The following PTDSS2 variants were observed in gnomAD, a reference collection of about 807,000 sequenced individuals.
PTDSS2 encodes the protein phosphatidylserine synthase 2, also known as PSS-2.
In PTDSS2, 41 loss-of-function variants were observed where a neutral mutation model predicts 64.7. The ratio of observed to expected loss-of-function variants is 0.63; its 90% CI spans 0.49 to 0.82. The LOEUF is 0.82. Among genes scored for constraint, PTDSS2 ranks in the 40% least tolerant of loss-of-function variants. The pLI is 0.00. For missense variants in PTDSS2, 485 were observed against 650.0 expected, an observed-to-expected ratio of 0.75 and a Z score of 2.76; for synonymous variants, 297 against 277.8, an observed-to-expected ratio of 1.07 and a Z score of -0.69.
chr11:460,111 T>G lies in PTDSS2; in HGVS notation c.183-76T>G, dbSNP rs1197732069. On this transcript the variant is annotated intron_variant, in intron 1 of 11. Coordinates refer to ENST00000308020, the MANE Select transcript of PTDSS2 (RefSeq NM_030783.3). The surrounding 1 kb of genome is among the most constrained non-coding windows in gnomAD (Gnocchi z 5.8). ...AGCCCTCTCCTTGACGTAGAGAGGA[T>G]TTGGGGCCTGTTACGTGAGTATTTA... is the stretch of plus-strand genomic sequence containing the variant. 61 of 1,159,280 alleles carry G rather than the reference T, an allele frequency of 5.3e-5. No individual in the cohort carries two copies. The highest frequency in any genetic ancestry group is 7.2e-5 in the Non-Finnish European group (56 of 777,910). The allele number at this position is 1,159,280 out of a possible 1,614,324, so 71.8% of individuals were successfully genotyped here.
At chr11:489,317 A>G in intron 8 of PTDSS2, 83 bp from the exon 9 acceptor site, 1 of 1,199,032 alleles carries the variant, frequency 8.3e-7, no homozygotes, top group Non-Finnish European at 1.2e-6. Context: ...GGGCCGGGTG[A>G]CCAGGAACAG....
intron 4 of PTDSS2, among the ~76,000 whole-genome samples, chr11:486,618 G>A (rs975184695): frequency 4.6e-5 from 7 of 152,230 alleles, no homozygotes; most frequent in South Asian, 2.1e-4. Context: ...CGAAGTGGGC[G>A]GATCACGAGG....
At position 456,064 on chromosome 11, in the gene PTDSS2, G is replaced by A. The variant is rs192937768; in HGVS notation, c.183-4123G>A. Among the ~76,000 whole-genome samples, 174 of 152,312 alleles carry A rather than the reference G, an allele frequency of 1.1e-3. 1 individual carries two copies. The highest frequency in any genetic ancestry group is 8.3e-3 in the South Asian group (40 of 4,816). The stretch of plus-strand genomic sequence containing the variant: ...ATGAAGGTGCCCTGGCCCGGGGCAC[G>A]GACACAGCCAGAGCCACCGCGCTCC... On this transcript the variant is annotated intron_variant, in intron 1 of 11. Coordinates refer to ENST00000308020, the MANE Select transcript of PTDSS2 (RefSeq NM_030783.3).
At chr11:454,963 G>A (rs1167640148) in intron 1 of PTDSS2, among the ~76,000 whole-genome samples, 1 of 151,264 alleles carries the variant, frequency 6.6e-6, no homozygotes, top group Non-Finnish European at 1.5e-5. Flanking sequence ...GTATCTGGGA[G>A]ATGCTGACTG....
chr11:450,180 T>A (rs1846248879), upstream of PTDSS2: 1 of 331,422 alleles, frequency 3.0e-6, no homozygotes, highest in South Asian at 1.5e-4. Context: ...CGGCTCCGGT[T>A]TCCCAGCAAC....
At position 462,237 on chromosome 11, in the gene PTDSS2, C is replaced by T. The variant is rs964867614; in HGVS notation, c.284+1949C>T. The stretch of plus-strand genomic sequence containing the variant: ...GACCCAGACCCAGAGGGGCCAGGAG[C>T]TTAGACCCCTGAGGGGGCAGCAGTG... On this transcript the variant is annotated intron_variant, in intron 2 of 11. Coordinates refer to ENST00000308020, the MANE Select transcript of PTDSS2 (RefSeq NM_030783.3). The surrounding 1 kb of genome is among the most constrained non-coding windows in gnomAD (Gnocchi z 4.5). 6.6e-6 allele frequency among the ~76,000 whole-genome samples: 1 copy of T among 152,006 alleles called. No homozygotes were observed. Among genetic ancestry groups the T allele is most frequent in the East Asian group, 1.9e-4 (1 of 5,168 alleles).
At chr11:458,867 A>G (rs539719297) in intron 1 of PTDSS2, 1 of 152,390 alleles carries the variant, frequency 6.6e-6, no homozygotes, top group Non-Finnish European at 1.5e-5. Flanking sequence ...TTAGGGCACA[A>G]ATAGTTTACA....
intron 1 of PTDSS2, chr11:451,471 G>A: frequency 2.4e-6 from 1 of 422,292 alleles, no homozygotes; most frequent in Non-Finnish European, 4.9e-6. Flanking sequence ...TGAGAGGAGG[G>A]TTTGGCTCTT....
rs1468482550 is a variant in PTDSS2 at position 486,923 on chromosome 11, G to A, written c.436-16G>A. The A allele has an allele frequency of 6.3e-7, 1 of 1,599,146 alleles. No homozygotes were observed. The highest frequency in any genetic ancestry group is 1.3e-5 in the African/African-American group (1 of 74,430). Reference sequence around the variant, plus strand: ...CACTAACTGTAGCCCCGCTGACGGGGGCACTGGCCTTGCAGACTGTCCAGG... The same window carrying A: ...CACTAACTGTAGCCCCGCTGACGGGAGCACTGGCCTTGCAGACTGTCCAGG... On this transcript the variant is annotated splice_polypyrimidine_tract_variant and intron_variant, in intron 4 of 11. Transcript: ENST00000308020.
chr11:453,658 T>G (rs528300849), intron 1 of PTDSS2, among the ~76,000 whole-genome samples: 110 of 152,298 alleles, frequency 7.2e-4, no homozygotes, highest in African/African-American at 2.6e-3. Context: ...GTCTTTCTGG[T>G]CTTGCTGGTC....
chr11:457,838 G>A (rs1054740550), intron 1 of PTDSS2, among the ~76,000 whole-genome samples: 1 of 152,188 alleles, frequency 6.6e-6, no homozygotes, highest in Non-Finnish European at 1.5e-5. Context: ...CGTAGCATAG[G>A]CCTCACTTTT....
In PTDSS2 at chr11:462,372, T is replaced by C. The variant is rs747281482; in HGVS notation, c.284+2084T>C. ...CTCCAGCAGGGAGCCCCTGCGTGTG[T>C]TCATTGAGAGGGGCCAGGAGACGGG... On this transcript the variant is annotated intron_variant, in intron 2 of 11. Coordinates refer to ENST00000308020, the MANE Select transcript of PTDSS2 (RefSeq NM_030783.3). This position sits in a 1 kb window ranked among gnomAD's most constrained non-coding sequence, Gnocchi z 4.5. Among the ~76,000 whole-genome samples the C allele has an allele frequency of 6.6e-6, 1 of 152,116 alleles. No individual in the cohort carries two copies. Among genetic ancestry groups the C allele is most frequent in the African/African-American group, 2.4e-5 (1 of 41,438 alleles).
chr11:451,028 C>T (rs1032726317), intron 1 of PTDSS2, among the ~76,000 whole-genome samples: 1 of 152,178 alleles, frequency 6.6e-6, no homozygotes, highest in African/African-American at 2.4e-5. Context: ...GTCGAAGCTT[C>T]ACCTGTGTCC....
chr11:486,392 T>A (rs1411221354), intron 4 of PTDSS2, among the ~76,000 whole-genome samples: 3 of 152,160 alleles, frequency 2.0e-5, no homozygotes, highest in Admixed American at 1.3e-4. Context: ...AGCGCACCTG[T>A]GCCCACCTGG....
In PTDSS2 at chr11:471,965, GCA is replaced by G. The variant is rs1258532847; in HGVS notation, c.285-1929_285-1928del. On this transcript the variant is annotated intron_variant, in intron 2 of 11. Transcript: ENST00000308020. ...GACGTGGATGGCGGCCTGGGGTGAT[GCA>G]GATGGCGGCCTGGGGTGACGCGGAT... Among the ~76,000 whole-genome samples the G allele has an allele frequency of 2.8e-3, 402 of 142,614 alleles. 3 individuals are homozygous for G. Among genetic ancestry groups the G allele is most frequent in the South Asian group, 6.4e-3 (28 of 4,408 alleles). The allele number at this position is 142,614 out of a possible 152,430, so 93.6% of individuals were successfully genotyped here. A position where few individuals can be genotyped will look rare whatever the true frequency, so the allele number is the denominator to read the frequency against.
At chr11:463,645 C>G (rs1023195895) in intron 2 of PTDSS2, 1 of 151,188 alleles carries the variant, frequency 6.6e-6, no homozygotes, top group Non-Finnish European at 1.5e-5. Context: ...CTCCCGGGTT[C>G]CCGCCATTCT....
rs1456516947 is a variant in PTDSS2, at chr11:450,388, C to T, written c.-68C>T. 3.4e-6 allele frequency: 4 copies of T among 1,192,022 alleles called. No homozygotes were observed. In the African/African-American group the frequency reaches 6.3e-5, roughly 19 times the overall value. The allele number at this position is 1,192,022 out of a possible 1,614,324, so 73.8% of individuals were successfully genotyped here. ...GCTCCTCGCGCTGTGTGCGGCGCGTCCTCTCGCCGGTGACCCGGTGTGCGT... is the reference window on the plus strand; with the variant it reads ...GCTCCTCGCGCTGTGTGCGGCGCGTTCTCTCGCCGGTGACCCGGTGTGCGT... On this transcript the variant is annotated 5_prime_UTR_variant, in exon 1 of 12. Transcript: ENST00000308020.
At chr11:488,822 G>A (rs532525384) in intron 8 of PTDSS2, among the ~76,000 whole-genome samples, 175 bp downstream of exon 8, 7 of 152,266 alleles carry the variant, frequency 4.6e-5, no homozygotes, top group East Asian at 1.9e-4. Context: ...ACTCAAGCCC[G>A]GCCGCCCCTC....
At chr11:454,690 A>C (rs918745903) in intron 1 of PTDSS2, among the ~76,000 whole-genome samples, 1 of 152,202 alleles carries the variant, frequency 6.6e-6, no homozygotes, top group Admixed American at 6.5e-5. Context: ...CTGTAATCCC[A>C]GCTGCTTGGG....
Sources: gnomAD v4.1 joint callset for allele counts (sites outside exome capture counted in the v4.1 genomes callset) on GRCh38, gnomAD v4.1.1 for gene constraint, Gnocchi (gnomAD v3.1) non-coding constraint, MANE v1.5 for transcripts, NCBI Gene and HGNC (gene_info 2026-07-23, HGNC 2026-07-21) for gene names.